Variants in DNHD1 observed in about 807,000 individuals in gnomAD.
DNHD1 encodes the protein dynein heavy chain domain-containing protein 1.
Under a neutral mutation model 458.1 loss-of-function variants are expected in DNHD1, and 383 were observed. That is an observed-to-expected ratio of 0.84 (90% CI 0.77 to 0.91). The LOEUF (loss-of-function observed/expected upper bound fraction) is 0.91, where lower values mean the gene tolerates loss of function less well. Ranked by LOEUF, DNHD1 falls within the 40% of genes least tolerant of loss-of-function variation. DNHD1 has a pLI of 0.00. For synonymous variants in DNHD1, 2,203 were observed against 2,376.9 expected (o/e 0.93, Z 2.13); for missense variants, 5,336 against 5,866.1 (o/e 0.91, Z 2.95).
intron 6 of DNHD1, among the ~76,000 whole-genome samples, chr11:6,509,530 T>G (rs1256161308): frequency 6.6e-6 from 1 of 152,192 alleles, no homozygotes; most frequent in African/African-American, 2.4e-5. Flanking sequence ...TAGATTATAT[T>G]CTATTTCATG....
intron 24 of DNHD1, among the ~76,000 whole-genome samples, chr11:6,551,453 T>C (rs1442866642): frequency 2.0e-5 from 3 of 151,870 alleles, no homozygotes; most frequent in East Asian, 1.9e-4. Context: ...AAATCAATAA[T>C]AAAGAACAGA....
At chr11:6,552,340 A>G (rs960940305) in intron 24 of DNHD1, among the ~76,000 whole-genome samples, 4 of 152,072 alleles carry the variant, frequency 2.6e-5, no homozygotes, top group African/African-American at 9.7e-5. Context: ...CCTGGCCAAC[A>G]TGGTGAAACC....
intron 14 of DNHD1, among the ~76,000 whole-genome samples, chr11:6,535,407 C>T (rs58064996): frequency 0.012 from 1,894 of 152,116 alleles, 33 homozygotes; most frequent in African/African-American, 0.043. Flanking sequence ...TTCTAACAAA[C>T]ACCATTCCCC....
intron 10 of DNHD1, among the ~76,000 whole-genome samples, chr11:6,526,224 A>G (rs1852708444): frequency 6.6e-6 from 1 of 151,844 alleles, no homozygotes; most frequent in Non-Finnish European, 1.5e-5. Context: ...CTTATGTCCC[A>G]TTTTAGTTAA....
intron 6 of DNHD1, 112 bp from the exon 7 acceptor site, chr11:6,511,161 C>T: frequency 1.4e-6 from 2 of 1,393,234 alleles, no homozygotes; most frequent in Non-Finnish European, 2.0e-6. Context: ...GGTAATATTA[C>T]AATCTCTATA....
At chr11:6,520,346 G>T in intron 10 of DNHD1, 57 bp downstream of exon 10, 2 of 1,551,288 alleles carry the variant, frequency 1.3e-6, no homozygotes, top group Non-Finnish European at 8.7e-7. Flanking sequence ...AAGGGCACAA[G>T]TACTAATGGC....
At chr11:6,501,399 A>G (rs1852133542) in intron 3 of DNHD1, among the ~76,000 whole-genome samples, 1 of 151,970 alleles carries the variant, frequency 6.6e-6, no homozygotes. Flanking sequence ...ATGAATAAAT[A>G]GACTAAGGTA....
intron 4 of DNHD1, chr11:6,503,897 A>G (rs1442342784): frequency 1.3e-5 from 2 of 152,232 alleles, no homozygotes; most frequent in African/African-American, 4.8e-5. Flanking sequence ...AACTCATGAC[A>G]TGTGTTACTT....
intron 10 of DNHD1, chr11:6,520,758 G>A (rs867898147): frequency 1.0e-6 from 1 of 1,001,822 alleles, no homozygotes; most frequent in African/African-American, 1.7e-5. Context: ...ATTATTATTG[G>A]TTATCAGTCT....
rs187970200 is a variant in DNHD1, at chr11:6,515,292, C to T, written c.1392+3863C>T. On this transcript the variant is annotated intron_variant, in intron 7 of 42. Transcript: ENST00000254579. ...ACAATGATCAAAGATTAGGAAATTT[C>T]ACTCTGATACAACTCTGTTATCTAA... Among the ~76,000 whole-genome samples the T allele has an allele frequency of 7.2e-5, 11 of 152,322 alleles. No individual in the cohort carries two copies. In the East Asian group the frequency reaches 1.7e-3, roughly 24 times the overall value.
At chr11:6,538,894 T>A in intron 16 of DNHD1, 84 bp downstream of exon 16, 3 of 1,295,664 alleles carry the variant, frequency 2.3e-6, no homozygotes, top group Non-Finnish European at 3.1e-6. Context: ...CTGCTGCTCC[T>A]GCTGGAAACA....
At chr11:6,528,379 TTAAC>T (rs1180207251) in intron 10 of DNHD1, 139 bp from the exon 11 acceptor site, 1 of 1,016,686 alleles carries the variant, frequency 9.8e-7, no homozygotes, top group African/African-American at 1.6e-5. Flanking sequence ...GATGTATGTG[TTAAC>T]TCACTCATGA....
Position 6,567,292 on chromosome 11 carries a change from TTACCCAAG to T in DNHD1, c.11789_11796del (p.Gln3930LeufsTer57). 2.5e-6 allele frequency: 4 copies of T among 1,614,044 alleles called. No individual in the cohort carries two copies. Among genetic ancestry groups the T allele is most frequent in the Non-Finnish European group, 3.4e-6 (4 of 1,179,904 alleles). The stretch of plus-strand genomic sequence containing the variant: ...GGCAGCACCGTGACTGCACTGGGCC[TTACCCAAG>T]TACCCTTGGTGGGTGCATTGGGCGC... On this transcript the variant is annotated frameshift_variant, in exon 36 of 43. Transcript: ENST00000254579. LOFTEE classifies it high-confidence loss of function.
Position 6,557,348 on chromosome 11 carries a change from G to C in DNHD1, c.8053G>C (p.Gly2685Arg), listed in dbSNP as rs557361734. 2.1e-5 allele frequency: 32 copies of C among 1,551,458 alleles called. 3 individuals are homozygous for C. In the South Asian group the frequency reaches 3.8e-4, roughly 18 times the overall value. ...VAQSVFCCGP[G>R]PQHLGKDHQE... ...TCAAAGTGTCTTCTGCTGTGGGCCA[G>C]GGCCCCAGCACCTGGGCAAGGACCA... is the stretch of plus-strand genomic sequence containing the variant. Residue 2685 changes from glycine to arginine, a missense_variant, in exon 25 of 43, where the codon GGG becomes CGG. Physicochemically the swap from Gly to Arg is moderately radical, Grantham distance 125. Around this residue, in one of 4 missense-constraint regions of DNHD1, gnomAD observed 3,932 missense variants for 4,365.6 expected, o/e 0.90. Coordinates refer to ENST00000254579, the MANE Select transcript of DNHD1 (RefSeq NM_144666.3).
intron 41 of DNHD1, 55 bp downstream of exon 41, chr11:6,570,451 AC>A (rs1275830384): frequency 5.2e-6 from 8 of 1,531,464 alleles, no homozygotes; most frequent in East Asian, 4.7e-5. Flanking sequence ...ATGCAATGCC[AC>A]CCCCCACAGA....
chr11:6,561,414 T>C (rs149433418), intron 28 of DNHD1, among the ~76,000 whole-genome samples: 264 of 152,216 alleles, frequency 1.7e-3, no homozygotes, highest in African/African-American at 6.0e-3. Flanking sequence ...GGTGACATAG[T>C]GAGACCTTGT....
rs771754952 is a variant in DNHD1 at position 6,515,471 on chromosome 11, GT to G, written c.1392+4043del. On this transcript the variant is annotated intron_variant, in intron 7 of 42. Coordinates refer to ENST00000254579, the MANE Select transcript of DNHD1 (RefSeq NM_144666.3). ...TATATGGAACAGTTCCTCAGCCTTTGTGTTTTCCTTACTTGCTTCAAGGCAT... is the reference window on the plus strand; with the variant it reads ...TATATGGAACAGTTCCTCAGCCTTTGGTTTTCCTTACTTGCTTCAAGGCAT... Among the ~76,000 whole-genome samples the G allele has an allele frequency of 4.6e-5, 7 of 152,284 alleles. No individual in the cohort carries two copies. In the East Asian group the frequency reaches 7.7e-4, roughly 17 times the overall value.
chr11:6,545,016 C>T lies in DNHD1; in HGVS notation c.4077C>T (p.Leu1359=). The T allele has an allele frequency of 2.6e-6, 4 of 1,551,856 alleles. No individual in the cohort carries two copies. The highest frequency in any genetic ancestry group is 3.5e-6 in the Non-Finnish European group (4 of 1,147,036). The change falls in exon 21 of 43, where the codon CTC becomes CTT. Residue 1359 remains leucine (L), a synonymous_variant. Transcript: ENST00000254579. The surrounding 1 kb of genome is among the most constrained non-coding windows in gnomAD (Gnocchi z 4.9). ...GGGTGTGTGCTCACTTCCCCCGCCT[C>T]TTCTTCCTTAGTGACAGTGAGCTGG... The part of the protein sequence containing the change: ...LYGVCAHFPR[L]FFLSDSELVA...
rs1416210741 is a variant in DNHD1, at chr11:6,546,409, C to G, written c.5470C>G (p.Pro1824Ala). The G allele has an allele frequency of 6.4e-7, 1 of 1,552,012 alleles. No individual in the cohort carries two copies. Among genetic ancestry groups the G allele is most frequent in the East Asian group, 2.4e-5 (1 of 40,922 alleles). The change falls in exon 21 of 43, where the codon CCT becomes GCT. Residue 1824 changes from proline (P) to alanine (A), a missense_variant. Pro to Ala is a conservative substitution (Grantham distance 27). Around this residue, in one of 4 missense-constraint regions of DNHD1, gnomAD observed 3,932 missense variants for 4,365.6 expected, o/e 0.90. Coordinates refer to ENST00000254579, the MANE Select transcript of DNHD1 (RefSeq NM_144666.3). ...VPANLHLLLR[P>A]VALALPDLRQ... is the part of the protein sequence containing the mutation. The stretch of plus-strand genomic sequence containing the variant: ...TGCCAACCTGCACCTGCTGCTGCGG[C>G]CTGTGGCATTGGCATTGCCTGATCT...
Sources: gnomAD v4.1 joint callset for allele counts (sites outside exome capture counted in the v4.1 genomes callset) on GRCh38, gnomAD v4.1.1 for gene constraint, gnomAD v4.1.1 regional missense constraint, Gnocchi (gnomAD v3.1) non-coding constraint, MANE v1.5 for transcripts, NCBI Gene and HGNC (gene_info 2026-07-23, HGNC 2026-07-21) for gene names.